ARHGAP11B: variants seen among roughly 807,000 people sequenced by gnomAD.
ARHGAP11B encodes the protein inactive Rho GTPase-activating protein 11B.
Under a neutral mutation model 27.6 loss-of-function variants are expected in ARHGAP11B, and 14 were observed. The ratio of observed to expected loss-of-function variants is 0.51; its 90% CI spans 0.34 to 0.79. The LOEUF is 0.79. Ranked by LOEUF, ARHGAP11B falls within the 30% of genes least tolerant of loss-of-function variation. The pLI, the probability that ARHGAP11B is intolerant of heterozygous loss-of-function variation, is 0.02. For missense variants in ARHGAP11B, 245 were observed against 320.1 expected (o/e 0.77, Z 1.79); for synonymous variants, 82 against 114.1 (o/e 0.72, Z 1.80).
chr15:30,642,152 C>T (rs1398062912), intron 7 of ARHGAP11B, among the ~76,000 whole-genome samples: 1 of 151,692 alleles, frequency 6.6e-6, no homozygotes, highest in Non-Finnish European at 1.5e-5. Flanking sequence ...TATTTTTTTC[C>T]GTTTTCATAA....
chr15:30,630,679 G>C lies in ARHGAP11B; in HGVS notation c.130-24G>C, dbSNP rs757433355. 101 of 1,572,630 alleles carry C rather than the reference G, an allele frequency of 6.4e-5. No homozygotes were observed. In the South Asian group the frequency reaches 1.1e-3, roughly 17 times the overall value. The stretch of plus-strand genomic sequence containing the variant: ...GATATTATGCCTAATATTTGTGTTA[G>C]AGTAACTGAATTTGTCATTTTAGGG... On this transcript the variant is annotated intron_variant, in intron 1 of 10. Coordinates refer to ENST00000428041, the Ensembl canonical transcript of ARHGAP11B.
Position 30,644,972 on chromosome 15 carries a change from G to C in ARHGAP11B, c.*142+270G>C, listed in dbSNP as rs369936401. On this transcript the variant is annotated intron_variant, in intron 8 of 10. Coordinates refer to ENST00000428041, the Ensembl canonical transcript of ARHGAP11B. The stretch of plus-strand genomic sequence containing the variant: ...CAAGTTTTCCTGTAGAGTGGGTGGG[G>C]GGCCTCCTCCCTTCCGTTCATAGAG... Among the ~76,000 whole-genome samples the C allele has an allele frequency of 5.3e-5, 8 of 151,922 alleles. No individual in the cohort carries two copies. In the East Asian group the frequency reaches 1.4e-3, roughly 26 times the overall value.
chr15:30,645,740 G>GTGT (rs146871660), intron 8 of ARHGAP11B, among the ~76,000 whole-genome samples: 1 of 151,946 alleles, frequency 6.6e-6, no homozygotes, highest in African/African-American at 2.4e-5. Flanking sequence ...TTTAATAACT[G>GTGT]GGATTTGTGC....
intron 2 of ARHGAP11B, among the ~76,000 whole-genome samples, chr15:30,632,914 G>C (rs2060254826): frequency 6.6e-6 from 1 of 151,800 alleles, no homozygotes; most frequent in South Asian, 2.1e-4. Flanking sequence ...CCAGCATGTA[G>C]AGGTTTCACA....
At chr15:30,637,994 A>G (rs2060292216) in intron 6 of ARHGAP11B, among the ~76,000 whole-genome samples, 2 of 151,398 alleles carry the variant, frequency 1.3e-5, no homozygotes, top group African/African-American at 4.9e-5. Context: ...TAATTTTTGT[A>G]TATGTAGTAG....
At chr15:30,629,602 CCCTTA>C (rs1879238646) in intron 1 of ARHGAP11B, among the ~76,000 whole-genome samples, 6 of 151,970 alleles carry the variant, frequency 3.9e-5, no homozygotes, top group Admixed American at 3.9e-4. Flanking sequence ...CTCTCTTAAG[CCCTTA>C]CCATACTATA....
chr15:30,635,388 GA>G lies in ARHGAP11B; in HGVS notation c.661-92del, dbSNP rs909851533. On this transcript the variant is annotated intron_variant, in intron 5 of 10. Transcript: ENST00000428041. ...CTACAGTACCGGCCCCTCCTGCAAA[GA>G]AAAAAAGAAAAGAAATTGGTATATT... 1.9e-3 allele frequency: 2,877 copies of G among 1,492,610 alleles called. 17 individuals carry two copies. The highest frequency in any genetic ancestry group is 2.4e-3 in the Non-Finnish European group (2,713 of 1,108,844). 92.5% of individuals were successfully genotyped at this position (1,492,610 alleles called of 1,614,324 possible).
intron 7 of ARHGAP11B, among the ~76,000 whole-genome samples, chr15:30,640,868 G>A (rs2060311059): frequency 6.6e-6 from 1 of 151,484 alleles, no homozygotes; most frequent in Admixed American, 6.6e-5. Context: ...TTCACAGGTT[G>A]GAGACTTAAA....
intron 2 of ARHGAP11B, 107 bp downstream of exon 2, chr15:30,630,880 G>A: frequency 1.3e-6 from 2 of 1,587,432 alleles, no homozygotes; most frequent in Non-Finnish European, 1.7e-6. Flanking sequence ...GGGAGCTTAA[G>A]ACCAGCCTGG....
At chr15:30,642,348 A>C (rs1028583482) in intron 7 of ARHGAP11B, among the ~76,000 whole-genome samples, 4 of 151,966 alleles carry the variant, frequency 2.6e-5, no homozygotes, top group African/African-American at 9.7e-5. Flanking sequence ...TTCATAATAT[A>C]AATGGTGTTA....
intron 6 of ARHGAP11B, among the ~76,000 whole-genome samples, chr15:30,636,475 A>G (rs2060280217): frequency 6.6e-6 from 1 of 152,138 alleles, no homozygotes; most frequent in South Asian, 2.1e-4. Context: ...TATCTTTTGA[A>G]TATCAGAACC....
At chr15:30,635,298 T>A in intron 5 of ARHGAP11B, 110 bp downstream of exon 5, 1 of 1,515,394 alleles carries the variant, frequency 6.6e-7, no homozygotes, top group Non-Finnish European at 9.0e-7. Flanking sequence ...AAATCTCTGT[T>A]TCTTTCAAAG....
intron 1 of ARHGAP11B, among the ~76,000 whole-genome samples, chr15:30,627,344 T>C (rs2060216286): frequency 6.6e-6 from 1 of 151,994 alleles, no homozygotes. Flanking sequence ...CAGCTTACTG[T>C]ATTTGGAACA....
chr15:30,643,905 T>A (rs543398530), intron 7 of ARHGAP11B, among the ~76,000 whole-genome samples: 1 of 152,182 alleles, frequency 6.6e-6, no homozygotes, highest in South Asian at 2.1e-4. Flanking sequence ...TATCTGGCTG[T>A]CCGAAGCTCA....
chr15:30,639,971 AGTGTGTGTGT>A (rs71103435), intron 7 of ARHGAP11B, among the ~76,000 whole-genome samples: 17 of 143,278 alleles, frequency 1.2e-4, no homozygotes, highest in South Asian at 2.3e-4. Flanking sequence ...TTCAATATAG[AGTGTGTGTGT>A]GTGTGTGTGT....
intron 8 of ARHGAP11B, among the ~76,000 whole-genome samples, chr15:30,645,763 T>C (rs1013175268): frequency 2.0e-5 from 3 of 152,064 alleles, no homozygotes; most frequent in East Asian, 1.9e-4. Flanking sequence ...TTCTCAATAT[T>C]TGAGAGTTGA....
chr15:30,628,073 CT>C lies in ARHGAP11B; in HGVS notation c.129+1128del, dbSNP rs1221561369. Among the ~76,000 whole-genome samples the C allele has an allele frequency of 2.1e-5, 3 of 144,554 alleles. No homozygotes were observed. In the East Asian group the frequency reaches 5.9e-4, roughly 29 times the overall value. 94.8% of individuals were successfully genotyped at this position (144,554 alleles called of 152,430 possible). A position where few individuals can be genotyped will look rare whatever the true frequency, so the allele number is the denominator to read the frequency against. On this transcript the variant is annotated intron_variant, in intron 1 of 10. Coordinates refer to ENST00000428041, the Ensembl canonical transcript of ARHGAP11B. The stretch of plus-strand genomic sequence containing the variant: ...GACTTTTTTTCACCCCTTTTCTTTT[CT>C]TTTCCTTTTTTTTTTTTTGTTTTTG...
At chr15:30,634,750 G>A (rs1312403695) in intron 4 of ARHGAP11B, among the ~76,000 whole-genome samples, 1 of 151,128 alleles carries the variant, frequency 6.6e-6, no homozygotes, top group Non-Finnish European at 1.5e-5. Context: ...CTGTCAGTGA[G>A]CCTGCTTATT....
chr15:30,633,204 A>C lies in ARHGAP11B; in HGVS notation c.201-286A>C, dbSNP rs577994271. 1.1e-4 allele frequency among the ~76,000 whole-genome samples: 16 copies of C among 151,496 alleles called. No individual in the cohort carries two copies. In the South Asian group the frequency reaches 2.7e-3, roughly 26 times the overall value. ...GAGATATGAAGAAGTAGAGGCAGAA[A>C]AAAAAGACAAGTCTTACGCTCTGAA... On this transcript the variant is annotated intron_variant, in intron 2 of 10. Coordinates refer to ENST00000428041, the Ensembl canonical transcript of ARHGAP11B.
Sources: allele counts gnomAD v4.1 joint callset (sites outside exome capture counted in the v4.1 genomes callset), GRCh38; gene constraint gnomAD v4.1.1; transcripts MANE v1.5; gene names NCBI Gene and HGNC (gene_info 2026-07-23, HGNC 2026-07-21).